The following MAGED1 variants were observed in gnomAD, a reference collection of about 807,000 sequenced individuals.
MAGED1 encodes MAGE family member D1.
Under a neutral mutation model 54.1 loss-of-function variants are expected in MAGED1, and 3 were observed. The ratio of observed to expected loss-of-function variants is 0.06; its 90% CI spans 0.03 to 0.14. The LOEUF (loss-of-function observed/expected upper bound fraction) is 0.14. Among genes scored for constraint, MAGED1 ranks in the 10% least tolerant of loss-of-function variants. MAGED1 has a pLI of 1.00. For missense variants in MAGED1, 485 were observed against 623.4 expected (o/e 0.78, Z 2.36); for synonymous variants, 217 against 227.3 (o/e 0.95, Z 0.41).
chrX:51,855,236 G>A (rs937075445), intron 1 of MAGED1, among the ~76,000 whole-genome samples: 2 of 111,493 alleles, frequency 1.8e-5, no homozygotes, highest in African/African-American at 3.3e-5. Context: ...CCTTTTTTAC[G>A]TATTTTACAT....
rs782370316 is a variant in MAGED1, at chrX:51,849,031, A to G, written c.-36-45238A>G. Among the ~76,000 whole-genome samples, 53 of 106,240 alleles carry G rather than the reference A, an allele frequency of 5.0e-4. 1 individual carries two copies. Among genetic ancestry groups the G allele is most frequent in the Admixed American group, 2.8e-3 (27 of 9,787 alleles). 92.3% of individuals were successfully genotyped at this position (106,240 alleles called of 115,157 possible). ...TATAAATTCTCATGTAAAATTTTAT[A>G]GTTTCCTTTTCACAATTTAGCTCTG... On this transcript the variant is annotated intron_variant, in intron 1 of 12. Coordinates refer to the MAGED1 transcript ENST00000375772.
At chrX:51,850,475 T>C (rs912339084) in intron 1 of MAGED1, among the ~76,000 whole-genome samples, 3 of 111,914 alleles carry the variant, frequency 2.7e-5, no homozygotes, top group Non-Finnish European at 5.6e-5. Context: ...GAGACTAACA[T>C]AGATACGGGT....
intron 2 of MAGED1, 154 bp downstream of exon 2, chrX:51,894,503 G>T: frequency 2.5e-6 from 2 of 799,287 alleles, no homozygotes; most frequent in Non-Finnish European, 3.7e-6. Context: ...TATCGAAGGG[G>T]GGGAGGGGCG....
rs966412897 is a variant in MAGED1 at position 51,896,076 on chromosome X, T to C, written c.753+316T>C. The C allele has an allele frequency of 7.5e-5, 28 of 373,874 alleles. No homozygotes were observed. The East Asian group carries it at 1.1e-3, about 15-fold the overall frequency. 30.8% of individuals were successfully genotyped at this position (373,874 alleles called of 1,213,427 possible). On this transcript the variant is annotated intron_variant, in intron 3 of 12. Transcript: ENST00000326587. ...AACCTTAAAGGCACCTCCTACCAGG[T>C]AGGGATCATAGTGCCAATTTTACAA...
At chrX:51,806,819 G>T (rs782145965) in intron 1 of MAGED1, among the ~76,000 whole-genome samples, 1 of 107,691 alleles carries the variant, frequency 9.3e-6, no homozygotes, top group Non-Finnish European at 1.9e-5. Context: ...ACAAAGTCTT[G>T]CTCTGTCGCC....
At chrX:51,898,712 G>T in intron 10 of MAGED1, 69 bp downstream of exon 10, 1 of 994,536 alleles carries the variant, frequency 1.0e-6, no homozygotes, top group Non-Finnish European at 1.4e-6. Context: ...GCTTTAGAAA[G>T]CCCTTCCTGG....
chrX:51,863,340 GTA>G (rs781955815), intron 1 of MAGED1, among the ~76,000 whole-genome samples: 10 of 112,490 alleles, frequency 8.9e-5, no homozygotes, highest in Non-Finnish European at 1.3e-4. Context: ...GTGTGTGTAT[GTA>G]TGTGTGTGTG....
chrX:51,822,656 C>G (rs1407681606), intron 1 of MAGED1, among the ~76,000 whole-genome samples: 8 of 110,557 alleles, frequency 7.2e-5, no homozygotes, highest in Non-Finnish European at 1.3e-4. Flanking sequence ...ATATATTTAT[C>G]CAGCTTTTTA....
chrX:51,806,443 AAC>A (rs1305582762), intron 1 of MAGED1, among the ~76,000 whole-genome samples: 12 of 112,424 alleles, frequency 1.1e-4, no homozygotes, highest in African/African-American at 3.9e-4. Context: ...TTTAAAAAGT[AAC>A]ACAGTTTGTG....
At chrX:51,841,645 TCTACATATGGCTAG>T (rs1308612443) in intron 1 of MAGED1, among the ~76,000 whole-genome samples, 1 of 111,966 alleles carries the variant, frequency 8.9e-6, no homozygotes, top group Non-Finnish European at 1.9e-5. Context: ...GTTTCAGCTT[TCTACATATGGCTAG>T]CCAGTTTTCC....
chrX:51,880,218 A>G (rs1557362379), intron 1 of MAGED1, among the ~76,000 whole-genome samples: 1 of 112,153 alleles, frequency 8.9e-6, no homozygotes, highest in African/African-American at 3.2e-5. Flanking sequence ...TATGATACCC[A>G]AAGAGATAGT....
intron 1 of MAGED1, among the ~76,000 whole-genome samples, chrX:51,887,403 AAGAT>A (rs200329238): frequency 0.039 from 4,393 of 111,924 alleles, 78 homozygotes; most frequent in South Asian, 0.084. Flanking sequence ...TTGAAAAAGA[AAGAT>A]AAAGTGGGAG....
At chrX:51,822,452 T>G (rs1925671395) in intron 1 of MAGED1, among the ~76,000 whole-genome samples, 1 of 111,410 alleles carries the variant, frequency 9.0e-6, no homozygotes, top group South Asian at 3.7e-4. Flanking sequence ...TTGTCAATTT[T>G]GTTGATCTTT....
At chrX:51,869,939 A>G (rs1927603780) in intron 1 of MAGED1, among the ~76,000 whole-genome samples, 1 of 111,329 alleles carries the variant, frequency 9.0e-6, no homozygotes, top group Admixed American at 9.5e-5. Context: ...TGGTGCTATC[A>G]TAGCTCACTG....
Position 51,897,785 on chromosome X carries a change from G to A in MAGED1, c.1567-10G>A. 8.5e-7 allele frequency: 1 copy of A among 1,178,450 alleles called. No individual in the cohort carries two copies. The highest frequency in any genetic ancestry group is 1.2e-6 in the Non-Finnish European group (1 of 867,273). ...TTGTAATTTCATAGTCTGTTTTCTT[G>A]CCCCTGTAGAAATTTGGGATTCAAC... is the stretch of plus-strand genomic sequence containing the variant. On this transcript the variant is annotated splice_polypyrimidine_tract_variant and intron_variant, in intron 6 of 12. Transcript: ENST00000326587.
At chrX:51,843,461 G>C (rs781936303) in intron 1 of MAGED1, among the ~76,000 whole-genome samples, 2 of 111,169 alleles carry the variant, frequency 1.8e-5, no homozygotes, top group Non-Finnish European at 3.8e-5. Context: ...ATGCTATCTT[G>C]ATGGCTTTGA....
intron 1 of MAGED1, among the ~76,000 whole-genome samples, chrX:51,826,933 G>A (rs1925871109): frequency 8.9e-6 from 1 of 112,605 alleles, no homozygotes; most frequent in Non-Finnish European, 1.9e-5. Flanking sequence ...GCACATAAAT[G>A]TTTATAGTAG....
At chrX:51,875,520 T>C (rs1927835509) in intron 1 of MAGED1, among the ~76,000 whole-genome samples, 1 of 112,001 alleles carries the variant, frequency 8.9e-6, no homozygotes, top group African/African-American at 3.2e-5. Flanking sequence ...AAAACCATTA[T>C]TTCATATTTT....
At chrX:51,803,993 G>T (rs1557354815) in intron 1 of MAGED1, among the ~76,000 whole-genome samples, 1 of 111,247 alleles carries the variant, frequency 9.0e-6, no homozygotes. Flanking sequence ...TATATGAGTT[G>T]AGTTTATTAT....
Sources: allele counts gnomAD v4.1 joint callset (sites outside exome capture counted in the v4.1 genomes callset), GRCh38; gene constraint gnomAD v4.1.1; transcripts MANE v1.5; gene names NCBI Gene and HGNC (gene_info 2026-07-23, HGNC 2026-07-21).